The following B4GALT6 variants were observed in gnomAD, a reference collection of about 807,000 sequenced individuals.
B4GALT6 encodes the protein UDP-Gal:beta-GlcNAc beta-1,4-galactosyltransferase 6.
A neutral mutation model predicts 46.3 loss-of-function variants in B4GALT6; 14 were observed. The observed-to-expected ratio is 0.30, with a 90% CI of 0.20 to 0.47. The LOEUF (loss-of-function observed/expected upper bound fraction) is 0.47, where lower values mean the gene tolerates loss of function less well. B4GALT6 is among the 20% of genes least tolerant of loss of function. The pLI, the probability that B4GALT6 is intolerant of heterozygous loss-of-function variation, is 0.99. For missense variants in B4GALT6, 386 were observed against 480.1 expected, an observed-to-expected ratio of 0.80 and a Z score of 1.83; for synonymous variants, 168 against 162.0, an observed-to-expected ratio of 1.04 and a Z score of -0.28.
the B4GALT6 span, among the ~76,000 whole-genome samples, chr18:31,698,264 G>C: frequency 6.6e-6 from 1 of 152,118 alleles, no homozygotes; most frequent in Non-Finnish European, 1.5e-5. Flanking sequence ...ATCAAGAGGA[G>C]GCTTCCCTCT....
chr18:31,718,621 GA>G, the B4GALT6 span, among the ~76,000 whole-genome samples: 1 of 152,090 alleles, frequency 6.6e-6, no homozygotes, highest in Non-Finnish European at 1.5e-5. Context: ...AATATTTATA[GA>G]GGCAGAAACC....
the B4GALT6 span, chr18:31,724,159 G>A: frequency 4.0e-6 from 1 of 251,180 alleles, no homozygotes; most frequent in Non-Finnish European, 8.0e-6. Flanking sequence ...GTAAATAAAG[G>A]TGTAGTTAAT....
rs546633471 is a variant in B4GALT6, at chr18:31,678,812, G to A, written c.115+5500C>T. Among the ~76,000 whole-genome samples the A allele has an allele frequency of 6.6e-5, 10 of 152,330 alleles. No homozygotes were observed. In the South Asian group the frequency reaches 2.1e-3, roughly 32 times the overall value. Reference sequence around the variant, plus strand: ...TATGCCCAAGTTTCCCCTGGCCTTGGGCCCTTGGACAGGGGGGCAAACGCA... The same window carrying A: ...TATGCCCAAGTTTCCCCTGGCCTTGAGCCCTTGGACAGGGGGGCAAACGCA... On this transcript the variant is annotated intron_variant, in intron 1 of 8. Coordinates refer to ENST00000306851, the MANE Select transcript of B4GALT6 (RefSeq NM_004775.5).
At chr18:31,691,586 T>C in the B4GALT6 span, among the ~76,000 whole-genome samples, 1 of 152,110 alleles carries the variant, frequency 6.6e-6, no homozygotes, top group Non-Finnish European at 1.5e-5. Context: ...TAATGAAGAA[T>C]ATTTCTAGAC....
chr18:31,709,553 ATGTGTGTGTGTGTGTGTG>A, the B4GALT6 span, among the ~76,000 whole-genome samples: 5,904 of 126,786 alleles, frequency 0.047, 165 homozygotes, highest in African/African-American at 0.07. Flanking sequence ...TAGGATATAT[ATGTGTGTGTGTGTGTGTG>A]TGTGTGTGTG....
Position 31,626,403 on chromosome 18 carries a change from A to G in B4GALT6, c.900-19T>C. The G allele has an allele frequency of 7.8e-7, 1 of 1,289,810 alleles. No homozygotes were observed. Among genetic ancestry groups the G allele is most frequent in the Non-Finnish European group, 1.1e-6 (1 of 909,528 alleles). The allele number at this position is 1,289,810 out of a possible 1,614,324, so 79.9% of individuals were successfully genotyped here. A position where few individuals can be genotyped will look rare whatever the true frequency, so the allele number is the denominator to read the frequency against. On this transcript the variant is annotated intron_variant, in intron 7 of 8. Transcript: ENST00000306851. The stretch of plus-strand genomic sequence containing the variant: ...GTGAACTCTACAATGCCATATATGG[A>G]AATGAAAATATAGAGAAATAAAATA...
chr18:31,670,568 A>C (rs1049804744), intron 1 of B4GALT6, among the ~76,000 whole-genome samples: 5 of 152,216 alleles, frequency 3.3e-5, no homozygotes, highest in African/African-American at 1.2e-4. Context: ...TAAAGACCAA[A>C]ACCCATTAGG....
chr18:31,714,781 CAGA>C, the B4GALT6 span, among the ~76,000 whole-genome samples: 1 of 152,146 alleles, frequency 6.6e-6, no homozygotes, highest in African/African-American at 2.4e-5. Flanking sequence ...ATTCTCATAG[CAGA>C]AGACCACGAT....
At chr18:31,704,106 TATA>T in the B4GALT6 span, among the ~76,000 whole-genome samples, 173 of 151,886 alleles carry the variant, frequency 1.1e-3, no homozygotes, top group Admixed American at 1.7e-3. Flanking sequence ...ATCAAGTACA[TATA>T]ATAATAATAA....
At chr18:31,638,044 T>G (rs1210123411) in intron 5 of B4GALT6, among the ~76,000 whole-genome samples, 3 of 152,218 alleles carry the variant, frequency 2.0e-5, no homozygotes, top group African/African-American at 4.8e-5. Flanking sequence ...TCCTGTAAGG[T>G]AAATATAAGC....
At chr18:31,648,940 G>C (rs1374529971) in intron 3 of B4GALT6, among the ~76,000 whole-genome samples, 1 of 152,146 alleles carries the variant, frequency 6.6e-6, no homozygotes, top group African/African-American at 2.4e-5. Flanking sequence ...GCTTTTGTCT[G>C]TTTTACCCTC....
At chr18:31,664,651 C>CTGA in intron 2 of B4GALT6, among the ~76,000 whole-genome samples, 1 of 151,802 alleles carries the variant, frequency 6.6e-6, no homozygotes, top group African/African-American at 2.4e-5. Context: ...GGAAAACAAG[C>CTGA]TGATATGCAC....
the B4GALT6 span, among the ~76,000 whole-genome samples, chr18:31,717,347 T>G: frequency 6.6e-6 from 1 of 152,148 alleles, no homozygotes; most frequent in Admixed American, 6.5e-5. Context: ...GAATGAAAGG[T>G]ACCTTATGGA....
At chr18:31,708,357 G>A in the B4GALT6 span, among the ~76,000 whole-genome samples, 3 of 152,190 alleles carry the variant, frequency 2.0e-5, no homozygotes, top group Non-Finnish European at 4.4e-5. Context: ...TTGAGGCCAG[G>A]AGTTCAAGAC....
intron 3 of B4GALT6, among the ~76,000 whole-genome samples, chr18:31,649,421 T>G (rs1163768639): frequency 6.6e-6 from 1 of 152,182 alleles, no homozygotes; most frequent in Non-Finnish European, 1.5e-5. Context: ...TGCTTCCACC[T>G]ACCTGCATTT....
upstream of B4GALT6, among the ~76,000 whole-genome samples, chr18:31,689,570 C>T (rs1434571733): frequency 1.3e-5 from 2 of 152,008 alleles, no homozygotes; most frequent in Non-Finnish European, 2.9e-5. Context: ...TGGTGAAACC[C>T]CATCTCTACC....
chr18:31,713,008 T>C, the B4GALT6 span, among the ~76,000 whole-genome samples: 1 of 152,208 alleles, frequency 6.6e-6, no homozygotes, highest in Non-Finnish European at 1.5e-5. Flanking sequence ...CCTTGCACTG[T>C]TTGGTTCTTA....
intron 1 of B4GALT6, among the ~76,000 whole-genome samples, chr18:31,679,051 T>G (rs963554276): frequency 1.3e-5 from 2 of 152,224 alleles, no homozygotes; most frequent in African/African-American, 4.8e-5. Context: ...GAATACCTAT[T>G]ACACACAGAC....
upstream of B4GALT6, among the ~76,000 whole-genome samples, chr18:31,689,321 T>C (rs2030030632): frequency 6.6e-6 from 1 of 151,894 alleles, no homozygotes; most frequent in Admixed American, 6.6e-5. Context: ...TTCAGAAAAC[T>C]ATGGGGGTGG....
Sources: gnomAD v4.1 joint callset for allele counts (sites outside exome capture counted in the v4.1 genomes callset) on GRCh38, gnomAD v4.1.1 for gene constraint, MANE v1.5 for transcripts, NCBI Gene and HGNC (gene_info 2026-07-23, HGNC 2026-07-21) for gene names.